Variants in SCML4 observed in about 807,000 individuals in gnomAD.
SCML4 encodes the protein Scm polycomb group protein like 4, also known as sex comb on midleg-like protein 4.
In SCML4, 34 loss-of-function variants were observed where a neutral mutation model predicts 41.1. That is an observed-to-expected ratio of 0.83 (90% CI 0.63 to 1.10). The LOEUF (loss-of-function observed/expected upper bound fraction) is 1.10. SCML4 is among the 50% of genes least tolerant of loss of function. SCML4 has a pLI of 0.00. For synonymous variants in SCML4, 214 were observed against 220.9 expected (o/e 0.97, Z 0.28); for missense variants, 522 against 534.1 (o/e 0.98, Z 0.22).
the SCML4 span, among the ~76,000 whole-genome samples, chr6:107,845,211 G>C: frequency 6.6e-6 from 1 of 152,050 alleles, no homozygotes; most frequent in Non-Finnish European, 1.5e-5. Flanking sequence ...ACTCCAGCCC[G>C]GGCGACAGAG....
chr6:107,791,780 C>T (rs1782349027), intron 1 of SCML4, among the ~76,000 whole-genome samples: 1 of 152,050 alleles, frequency 6.6e-6, no homozygotes, highest in Non-Finnish European at 1.5e-5. Context: ...ATGGCAAAAC[C>T]CCATCTCTAC....
At chr6:107,716,305 C>A (rs141925917) in intron 6 of SCML4, among the ~76,000 whole-genome samples, 9 of 152,144 alleles carry the variant, frequency 5.9e-5, no homozygotes, top group Admixed American at 5.9e-4. Context: ...GATTTGAAAA[C>A]CCCTGGGGTT....
chr6:107,734,290 TTTTG>T (rs1185958465), intron 5 of SCML4, among the ~76,000 whole-genome samples: 5 of 152,352 alleles, frequency 3.3e-5, no homozygotes, highest in South Asian at 2.1e-4. Flanking sequence ...TGTTCACTTC[TTTTG>T]TTTGTTTGTT....
At position 107,765,320 on chromosome 6, in the gene SCML4, C is replaced by T. The variant is rs556845872; in HGVS notation, c.156+6852G>A. On this transcript the variant is annotated intron_variant, in intron 2 of 7. Transcript: ENST00000369020. ...TACAGGCATCCTGAGCTCAGCAGAA[C>T]TCTGATCCCCCAGGGGCTGGAGCCG... Among the ~76,000 whole-genome samples the T allele has an allele frequency of 5.3e-5, 8 of 152,290 alleles. No homozygotes were observed. In the East Asian group the frequency reaches 9.7e-4, roughly 18 times the overall value.
chr6:107,774,372 A>C (rs1780749163), intron 1 of SCML4, among the ~76,000 whole-genome samples: 1 of 152,194 alleles, frequency 6.6e-6, no homozygotes, highest in Non-Finnish European at 1.5e-5. Flanking sequence ...AAAGTCAATC[A>C]GTTAGGATGA....
chr6:107,801,810 G>A (rs1783151876), intron 1 of SCML4, among the ~76,000 whole-genome samples: 1 of 151,230 alleles, frequency 6.6e-6, no homozygotes, highest in Non-Finnish European at 1.5e-5. Context: ...ACCGAGCCTT[G>A]CTCTGTCACC....
chr6:107,842,460 C>T, the SCML4 span, among the ~76,000 whole-genome samples: 38 of 152,292 alleles, frequency 2.5e-4, no homozygotes, highest in South Asian at 2.1e-3. Context: ...TGCAGTGGCG[C>T]GATCTTGGCT....
chr6:107,748,525 A>G (rs1239220975), intron 3 of SCML4, among the ~76,000 whole-genome samples: 1 of 152,232 alleles, frequency 6.6e-6, no homozygotes, highest in Non-Finnish European at 1.5e-5. Flanking sequence ...CAAAAACTGT[A>G]GCCAGTGATG....
intron 5 of SCML4, among the ~76,000 whole-genome samples, chr6:107,725,806 G>T (rs1424597191): frequency 6.6e-6 from 1 of 152,160 alleles, no homozygotes; most frequent in Non-Finnish European, 1.5e-5. Context: ...TTTGCACTGG[G>T]CACGGTGGCT....
intron 7 of SCML4, 144 bp from the exon 8 acceptor site, chr6:107,705,469 G>A (rs1773517868): frequency 2.8e-6 from 2 of 703,364 alleles, no homozygotes; most frequent in Non-Finnish European, 4.6e-6. Context: ...CCTGGGGCAA[G>A]GTCTTTTAAA....
chr6:107,795,433 A>G (rs1178016124), intron 1 of SCML4, among the ~76,000 whole-genome samples: 1 of 152,218 alleles, frequency 6.6e-6, no homozygotes, highest in Non-Finnish European at 1.5e-5. Context: ...CATAGGTCTT[A>G]AAAGTACAGT....
At chr6:107,729,639 A>G (rs1187738136) in intron 5 of SCML4, among the ~76,000 whole-genome samples, 1 of 152,240 alleles carries the variant, frequency 6.6e-6, no homozygotes, top group Non-Finnish European at 1.5e-5. Context: ...AGCACATCAA[A>G]CAAAATGATT....
chr6:107,755,378 A>G (rs1376809056), intron 2 of SCML4, among the ~76,000 whole-genome samples: 1 of 152,236 alleles, frequency 6.6e-6, no homozygotes, highest in Non-Finnish European at 1.5e-5. Context: ...TCACGAGTAG[A>G]AATACCCTTT....
chr6:107,764,770 GA>G (rs1211762645), intron 2 of SCML4, among the ~76,000 whole-genome samples: 2 of 152,168 alleles, frequency 1.3e-5, no homozygotes, highest in African/African-American at 4.8e-5. Flanking sequence ...TTGTGGGAGG[GA>G]CCCGGTGGGA....
At chr6:107,804,724 C>A (rs1783593264) in intron 1 of SCML4, among the ~76,000 whole-genome samples, 1 of 152,046 alleles carries the variant, frequency 6.6e-6, no homozygotes. Context: ...ACCTGTAAAC[C>A]CAGCACAACT....
chr6:107,712,317 G>C (rs1739864), intron 6 of SCML4, among the ~76,000 whole-genome samples: 114,183 of 152,076 alleles, frequency 0.75, 43,069 homozygotes, highest in Admixed American at 0.81. Flanking sequence ...TGACAGGAAG[G>C]GGGGAAAACC....
In SCML4 at chr6:107,702,639, T is replaced by C. The variant is rs1251365585; in HGVS notation, c.*2561A>G. Reference sequence around the variant, plus strand: ...TGAGTACATAACCTGCCCATGGCTGTTTTGAGGGAAATGTATCTAACTCTA... The same window carrying C: ...TGAGTACATAACCTGCCCATGGCTGCTTTGAGGGAAATGTATCTAACTCTA... On this transcript the variant is annotated 3_prime_UTR_variant, in exon 8 of 8. Transcript: ENST00000369020. 6.6e-6 allele frequency among the ~76,000 whole-genome samples: 1 copy of C among 152,186 alleles called. No individual in the cohort carries two copies. Among genetic ancestry groups the C allele is most frequent in the Non-Finnish European group, 1.5e-5 (1 of 68,040 alleles).
chr6:107,832,925 T>A, the SCML4 span, among the ~76,000 whole-genome samples: 6 of 152,186 alleles, frequency 3.9e-5, no homozygotes, highest in African/African-American at 1.4e-4. Flanking sequence ...ATGAAGAGAC[T>A]GAGTTTTGCA....
chr6:107,841,563 T>C, the SCML4 span, among the ~76,000 whole-genome samples: 1 of 152,194 alleles, frequency 6.6e-6, no homozygotes, highest in Non-Finnish European at 1.5e-5. Context: ...TCTGGCAGAT[T>C]ACTTAACCTC....
Sources: allele counts gnomAD v4.1 joint callset (sites outside exome capture counted in the v4.1 genomes callset), GRCh38; gene constraint gnomAD v4.1.1; transcripts MANE v1.5; gene names NCBI Gene and HGNC (gene_info 2026-07-23, HGNC 2026-07-21).